Variants in ABCC5 observed in about 807,000 individuals in gnomAD.
ABCC5 encodes the protein ATP-binding cassette sub-family C member 5.
Under a neutral mutation model 160.9 loss-of-function variants are expected in ABCC5, and 61 were observed. The ratio of observed to expected loss-of-function variants is 0.38; its 90% CI spans 0.31 to 0.47. ABCC5 has a LOEUF of 0.47. Among genes scored for constraint, ABCC5 ranks in the 20% least tolerant of loss-of-function variants. ABCC5 has a pLI of 0.99. For synonymous variants in ABCC5, 666 were observed against 700.6 expected (o/e 0.95, Z 0.78); for missense variants, 1,308 against 1,813.3 (o/e 0.72, Z 5.06).
Position 183,951,450 on chromosome 3 carries a change from T to C in ABCC5, c.2935A>G (p.Met979Val), listed in dbSNP as rs752721480. The change falls in exon 20 of 30, where the codon ATG (methionine) becomes GTG (valine). Residue 979 changes from methionine (M) to valine (V), a missense_variant. Met to Val is a conservative substitution (Grantham distance 21, BLOSUM62 1). Coordinates refer to ENST00000334444, the MANE Select transcript of ABCC5 (RefSeq NM_005688.4). This position sits in a 1 kb window ranked among gnomAD's most constrained non-coding sequence, Gnocchi z 4.7. ...GRILNRFSKD[M>V]DEVDVRLPFQ... ...GCTCAGTGAGAAATACCTTCATCCA[T>C]GTCTTTGGAAAACCTGTTGAGAATC... The C allele has an allele frequency of 1.2e-6, 2 of 1,614,158 alleles. No individual in the cohort carries two copies. The highest frequency in any genetic ancestry group is 8.5e-7 in the Non-Finnish European group (1 of 1,180,014).
chr3:183,969,640 C>T (rs923175488), intron 11 of ABCC5, among the ~76,000 whole-genome samples: 6 of 147,030 alleles, frequency 4.1e-5, no homozygotes, highest in Admixed American at 1.4e-4. Flanking sequence ...TGCAGTGAGC[C>T]GAGATCGTGC....
chr3:183,959,857 A>G (rs1256137074), intron 16 of ABCC5, 22 bp from the exon 17 acceptor site: 12 of 1,537,420 alleles, frequency 7.8e-6, no homozygotes, highest in Middle Eastern at 1.9e-4. Context: ...TAAAAAAAAA[A>G]GTCTCCAGTC....
At chr3:183,926,210 A>G (rs1272707310) in intron 28 of ABCC5, among the ~76,000 whole-genome samples, 2 of 150,150 alleles carry the variant, frequency 1.3e-5, no homozygotes, top group Non-Finnish European at 2.9e-5. Flanking sequence ...GAAGTGATAC[A>G]ATTTCAAAAC....
intron 26 of ABCC5, among the ~76,000 whole-genome samples, chr3:183,933,214 G>A (rs1025450284): frequency 7.6e-5 from 11 of 145,132 alleles, no homozygotes; most frequent in Non-Finnish European, 1.6e-4. Context: ...AAAAGGAGAA[G>A]GCACCTGAAG....
Position 183,963,662 on chromosome 3 carries a change from T to A in ABCC5, c.2032-74A>T. The A allele has an allele frequency of 6.9e-7, 1 of 1,459,286 alleles. No homozygotes were observed. Among genetic ancestry groups the A allele is most frequent in the Non-Finnish European group, 9.4e-7 (1 of 1,061,760 alleles). The allele number at this position is 1,459,286 out of a possible 1,614,324, so 90.4% of individuals were successfully genotyped here. A position where few individuals can be genotyped will look rare whatever the true frequency, so the allele number is the denominator to read the frequency against. ...AGCGTGGAGGGGTCACCCAGTCACT[T>A]CTCTTCTTGCCCACCCAGACCAGCT... On this transcript the variant is annotated intron_variant, in intron 14 of 29. Coordinates refer to ENST00000334444, the MANE Select transcript of ABCC5 (RefSeq NM_005688.4). The surrounding 1 kb of genome is among the most constrained non-coding windows in gnomAD (Gnocchi z 4.6).
intron 26 of ABCC5, among the ~76,000 whole-genome samples, chr3:183,934,365 T>C (rs1362596204): frequency 6.6e-6 from 1 of 152,168 alleles, no homozygotes; most frequent in East Asian, 1.9e-4. Flanking sequence ...AAAGGAAACC[T>C]TAGGGGATAA....
At chr3:183,976,347 T>C (rs1054491619) in intron 10 of ABCC5, among the ~76,000 whole-genome samples, 9 of 151,748 alleles carry the variant, frequency 5.9e-5, no homozygotes, top group African/African-American at 1.9e-4. Flanking sequence ...CTCGACCTCC[T>C]GGGCTCAAGC....
At chr3:183,957,553 C>T (rs1309598221) in intron 17 of ABCC5, among the ~76,000 whole-genome samples, 2 of 151,418 alleles carry the variant, frequency 1.3e-5, no homozygotes, top group Non-Finnish European at 2.9e-5. Context: ...CAGTTACATG[C>T]GGATCCGTGT....
intron 28 of ABCC5, among the ~76,000 whole-genome samples, chr3:183,926,550 AAAAACAAAAC>A (rs377674885): frequency 1.3e-5 from 2 of 151,970 alleles, no homozygotes; most frequent in Admixed American, 6.6e-5. Context: ...ACTCTGTCTC[AAAAACAAAAC>A]AAAACAAAAC....
At position 183,920,589 on chromosome 3, in the gene ABCC5, G is replaced by A. The variant is rs1711876400; in HGVS notation, c.*711C>T. ...ATGGAGGGAGTGAAAAGGGGCCTGG[G>A]CTTCGCCCCGCTGCTCTCCTGACAG... On this transcript the variant is annotated 3_prime_UTR_variant, in exon 30 of 30. Coordinates refer to ENST00000334444, the MANE Select transcript of ABCC5 (RefSeq NM_005688.4). The surrounding 1 kb of genome is among the most constrained non-coding windows in gnomAD (Gnocchi z 4.1). The A allele has an allele frequency of 6.5e-6, 1 of 152,690 alleles. No homozygotes were observed. Among genetic ancestry groups the A allele is most frequent in the Non-Finnish European group, 1.5e-5 (1 of 68,062 alleles). The allele number at this position is 152,690 out of a possible 1,614,324, so 9.5% of individuals were successfully genotyped here. A position where few individuals can be genotyped will look rare whatever the true frequency, so the allele number is the denominator to read the frequency against.
chr3:183,955,856 G>A (rs1420047963), intron 17 of ABCC5, among the ~76,000 whole-genome samples: 1 of 143,366 alleles, frequency 7.0e-6, no homozygotes, highest in African/African-American at 2.5e-5. Flanking sequence ...TCGGTTACAT[G>A]CAGATCCGTG....
intron 2 of ABCC5, among the ~76,000 whole-genome samples, chr3:183,990,875 G>GT (rs1309702864): frequency 3.3e-5 from 5 of 152,176 alleles, no homozygotes; most frequent in Non-Finnish European, 5.9e-5. Flanking sequence ...TACTCTAAAA[G>GT]TAACTCAAAC....
At chr3:183,999,617 A>T (rs1297685520) in intron 2 of ABCC5, among the ~76,000 whole-genome samples, 2 of 151,954 alleles carry the variant, frequency 1.3e-5, no homozygotes, top group African/African-American at 4.8e-5. Flanking sequence ...ATCTATATAC[A>T]GCATTTTTTA....
chr3:183,959,951 C>T, intron 16 of ABCC5, 116 bp from the exon 17 acceptor site: 1 of 683,626 alleles, frequency 1.5e-6, no homozygotes, highest in Non-Finnish European at 2.4e-6. Flanking sequence ...AAGATACATC[C>T]AACTTCTTAA....
intron 24 of ABCC5, among the ~76,000 whole-genome samples, chr3:183,944,140 C>T (rs796977205): frequency 1.3e-5 from 2 of 152,180 alleles, no homozygotes; most frequent in South Asian, 4.1e-4. Context: ...TGTCTATAAT[C>T]CCAGCATTTT....
intron 25 of ABCC5, among the ~76,000 whole-genome samples, chr3:183,938,711 C>A (rs924684178): frequency 6.6e-6 from 1 of 152,142 alleles, no homozygotes; most frequent in Non-Finnish European, 1.5e-5. Flanking sequence ...GATCTTACAG[C>A]AAGCAGTTGA....
At chr3:183,995,880 T>C (rs1720236884) in intron 2 of ABCC5, among the ~76,000 whole-genome samples, 1 of 152,046 alleles carries the variant, frequency 6.6e-6, no homozygotes, top group African/African-American at 2.4e-5. Context: ...CGACCTAAGC[T>C]CACTGCAAGC....
intron 2 of ABCC5, chr3:184,000,860 T>G (rs1720692352): frequency 1.0e-5 from 2 of 196,364 alleles, no homozygotes; most frequent in Admixed American, 6.0e-5. Context: ...CTACAGTAGA[T>G]CAACACTCTA....
In ABCC5 at chr3:183,949,585, C is replaced by A. The variant is rs1715155726; in HGVS notation, c.3227+168G>T. 1.3e-5 allele frequency among the ~76,000 whole-genome samples: 2 copies of A among 152,372 alleles called. No individual in the cohort carries two copies. The highest frequency in any genetic ancestry group is 4.1e-4 in the South Asian group (2 of 4,828). On this transcript the variant is annotated intron_variant, in intron 22 of 29. Transcript: ENST00000334444. The surrounding 1 kb of genome is among the most constrained non-coding windows in gnomAD (Gnocchi z 4.2). ...TTTTCTCACTTGCTCAGAAAGGAGT[C>A]CCGCCAAGCAATTGGATTTTAATCA...
Sources: gnomAD v4.1 joint callset for allele counts (sites outside exome capture counted in the v4.1 genomes callset) on GRCh38, gnomAD v4.1.1 for gene constraint, Gnocchi (gnomAD v3.1) non-coding constraint, MANE v1.5 for transcripts, NCBI Gene and HGNC (gene_info 2026-07-23, HGNC 2026-07-21) for gene names.